The following PHF24 variants were observed in gnomAD, a reference collection of about 807,000 sequenced individuals.
PHF24 encodes PHD finger protein 24.
A neutral mutation model predicts 42.6 loss-of-function variants in PHF24; 25 were observed. That is an observed-to-expected ratio of 0.59 (90% CI 0.43 to 0.82). The LOEUF (loss-of-function observed/expected upper bound fraction) is 0.82. Among genes scored for constraint, PHF24 ranks in the 40% least tolerant of loss-of-function variants. PHF24 has a pLI of 0.00. For synonymous variants in PHF24, 185 were observed against 204.8 expected (o/e 0.90, Z 0.83); for missense variants, 470 against 538.1 (o/e 0.87, Z 1.25).
chr9:34,942,530 G>C, the PHF24 span, among the ~76,000 whole-genome samples: 1 of 152,142 alleles, frequency 6.6e-6, no homozygotes, highest in Admixed American at 6.5e-5. Flanking sequence ...AGGTAGTCCA[G>C]ATCTCATCAA....
the PHF24 span, among the ~76,000 whole-genome samples, chr9:34,898,208 T>G: frequency 6.6e-6 from 1 of 152,354 alleles, no homozygotes; most frequent in African/African-American, 2.4e-5. Context: ...GATTGCTGGA[T>G]CAAATGGTAG....
At chr9:34,951,496 T>G in the PHF24 span, among the ~76,000 whole-genome samples, 2 of 152,272 alleles carry the variant, frequency 1.3e-5, no homozygotes, top group East Asian at 3.9e-4. Flanking sequence ...GTGAGAAAGA[T>G]TCAACCATCT....
chr9:34,820,195 A>C, the PHF24 span, among the ~76,000 whole-genome samples: 2 of 150,794 alleles, frequency 1.3e-5, no homozygotes, highest in African/African-American at 4.9e-5. Context: ...TTTTAAACTT[A>C]CTTGTGTCTT....
At chr9:34,783,294 C>T in the PHF24 span, among the ~76,000 whole-genome samples, 1 of 152,014 alleles carries the variant, frequency 6.6e-6, no homozygotes, top group Admixed American at 6.6e-5. Flanking sequence ...TGAAAGGGCC[C>T]GATAACTTAT....
chr9:34,746,441 T>TC, the PHF24 span, among the ~76,000 whole-genome samples: 1 of 152,124 alleles, frequency 6.6e-6, no homozygotes, highest in South Asian at 2.1e-4. Flanking sequence ...AATCCACATA[T>TC]AAAATCAGCA....
the PHF24 span, among the ~76,000 whole-genome samples, chr9:34,936,050 C>T: frequency 6.6e-6 from 1 of 150,710 alleles, no homozygotes; most frequent in Middle Eastern, 3.4e-3. Context: ...CCGCTCCCAC[C>T]CCCTCTCCCT....
At chr9:34,726,396 C>T in the PHF24 span, 2 of 1,548,170 alleles carry the variant, frequency 1.3e-6, no homozygotes, top group Non-Finnish European at 1.7e-6. Flanking sequence ...GGCAGGTGGG[C>T]AGGGAGGACC....
the PHF24 span, among the ~76,000 whole-genome samples, chr9:34,867,137 C>T: frequency 3.4e-3 from 511 of 152,268 alleles, 1 homozygote; most frequent in South Asian, 0.018. Context: ...TGCTGACTTC[C>T]CACAGAAGCA....
At chr9:34,924,904 G>C in the PHF24 span, among the ~76,000 whole-genome samples, 2 of 152,134 alleles carry the variant, frequency 1.3e-5, no homozygotes, top group Non-Finnish European at 2.9e-5. Context: ...GTAGTGCTAA[G>C]CTTTGATTCC....
chr9:34,726,400 G>A, the PHF24 span: 7 of 1,548,604 alleles, frequency 4.5e-6, no homozygotes, highest in South Asian at 7.2e-5. Flanking sequence ...GGTGGGCAGG[G>A]AGGACCATAT....
the PHF24 span, among the ~76,000 whole-genome samples, chr9:34,733,844 C>T: frequency 6.6e-6 from 1 of 152,064 alleles, no homozygotes; most frequent in Non-Finnish European, 1.5e-5. Flanking sequence ...AGGTTTTTCT[C>T]TTCCTGAAGT....
the PHF24 span, among the ~76,000 whole-genome samples, chr9:34,766,059 C>G: frequency 6.6e-6 from 1 of 152,292 alleles, no homozygotes. Context: ...AGAGTTTCTG[C>G]TGAGAGATCC....
the PHF24 span, chr9:34,835,758 T>A: frequency 2.6e-6 from 4 of 1,551,102 alleles, no homozygotes; most frequent in Non-Finnish European, 3.5e-6. Flanking sequence ...CTGACTGGGT[T>A]AAAGATTTCT....
chr9:34,723,404 G>C, the PHF24 span: 2 of 1,551,746 alleles, frequency 1.3e-6, no homozygotes, highest in Non-Finnish European at 8.7e-7. Context: ...CTTCTGAGCA[G>C]GACGAGATTG....
At chr9:34,739,385 C>T in the PHF24 span, among the ~76,000 whole-genome samples, 2 of 152,260 alleles carry the variant, frequency 1.3e-5, no homozygotes, top group Non-Finnish European at 2.9e-5. Flanking sequence ...AGCCTTTGAT[C>T]CAGCAGTTCC....
chr9:34,909,957 T>G, the PHF24 span, among the ~76,000 whole-genome samples: 2 of 152,358 alleles, frequency 1.3e-5, no homozygotes, highest in South Asian at 4.1e-4. Flanking sequence ...GTTTTTCATC[T>G]TGCCTGATTA....
exon 8 of PHF24, chr9:34,978,101 C>T: frequency 2.5e-6 from 4 of 1,613,460 alleles, no homozygotes; most frequent in South Asian, 1.1e-5. Context: ...CACCTGAAGC[C>T]CCCAGGATAG....
At chr9:34,944,889 TA>T in the PHF24 span, among the ~76,000 whole-genome samples, 1,169 of 129,046 alleles carry the variant, frequency 9.1e-3, 7 homozygotes, top group African/African-American at 0.017. Context: ...CTTGTCTCTT[TA>T]AAAAAAAAAA....
chr9:34,681,666 C>G, the PHF24 span, among the ~76,000 whole-genome samples: 1 of 152,306 alleles, frequency 6.6e-6, no homozygotes, highest in African/African-American at 2.4e-5. Context: ...GAAAAAGTAG[C>G]TGGGTGTGGT....
Sources: allele counts gnomAD v4.1 joint callset (sites outside exome capture counted in the v4.1 genomes callset), GRCh38; gene constraint gnomAD v4.1.1; transcripts MANE v1.5; gene names NCBI Gene and HGNC (gene_info 2026-07-23, HGNC 2026-07-21).